The following MAN1C1 variants were observed in gnomAD, a reference collection of about 807,000 sequenced individuals.
MAN1C1 encodes the protein mannosidase alpha class 1C member 1.
A neutral mutation model predicts 71.5 loss-of-function variants in MAN1C1; 49 were observed. The ratio of observed to expected loss-of-function variants is 0.69; its 90% CI spans 0.54 to 0.87. The LOEUF (loss-of-function observed/expected upper bound fraction) is 0.87, where lower values mean the gene tolerates loss of function less well. Ranked by LOEUF, MAN1C1 falls within the 40% of genes least tolerant of loss-of-function variation. MAN1C1 has a pLI of 0.00. For missense variants in MAN1C1, 743 were observed against 835.0 expected, an observed-to-expected ratio of 0.89 and a Z score of 1.36; for synonymous variants, 352 against 343.7, an observed-to-expected ratio of 1.02 and a Z score of -0.27.
intron 2 of MAN1C1, among the ~76,000 whole-genome samples, chr1:25,701,492 G>A: frequency 6.6e-6 from 1 of 152,212 alleles, no homozygotes; most frequent in Non-Finnish European, 1.5e-5. Context: ...TGTGCAGCAG[G>A]TCACAGCCAG....
At chr1:25,683,744 T>C (rs954530498) in intron 1 of MAN1C1, among the ~76,000 whole-genome samples, 1 of 151,998 alleles carries the variant, frequency 6.6e-6, no homozygotes, top group Non-Finnish European at 1.5e-5. Flanking sequence ...GCTTAGGGTG[T>C]GTTAGGGAGA....
In MAN1C1 at chr1:25,730,093, C is replaced by T. The variant is rs565253528; in HGVS notation, c.638-16575C>T. On this transcript the variant is annotated intron_variant, in intron 2 of 11. Transcript: ENST00000374332. This position sits in a 1 kb window ranked among gnomAD's most constrained non-coding sequence, Gnocchi z 4.3. ...AGGCCTGATGCATCCTAGAATCTTC[C>T]TCACCACTGTCCCCACCAGCACCAA... 7.2e-5 allele frequency among the ~76,000 whole-genome samples: 11 copies of T among 152,300 alleles called. No homozygotes were observed. The highest frequency in any genetic ancestry group is 3.3e-4 in the Admixed American group (5 of 15,302).
At chr1:25,768,861 C>A in intron 7 of MAN1C1, among the ~76,000 whole-genome samples, 1 of 145,148 alleles carries the variant, frequency 6.9e-6, no homozygotes, top group East Asian at 2.2e-4. Flanking sequence ...TACACTCTCC[C>A]TACACACACT....
intron 2 of MAN1C1, among the ~76,000 whole-genome samples, chr1:25,693,631 G>A (rs764030614): frequency 5.9e-5 from 9 of 151,984 alleles, no homozygotes; most frequent in Non-Finnish European, 1.2e-4. Flanking sequence ...ACTCCATCTC[G>A]GAAAAAAAGA....
At chr1:25,718,225 A>G (rs2046710102) in intron 2 of MAN1C1, among the ~76,000 whole-genome samples, 1 of 152,066 alleles carries the variant, frequency 6.6e-6, no homozygotes, top group Non-Finnish European at 1.5e-5. Context: ...TCACATGTTT[A>G]TCACTTCTTA....
At chr1:25,625,282 G>A (rs115984400) in intron 1 of MAN1C1, among the ~76,000 whole-genome samples, 213 of 152,226 alleles carry the variant, frequency 1.4e-3, no homozygotes, top group African/African-American at 4.9e-3. Context: ...TGGGATTACA[G>A]GTGTGAGCCG....
intron 1 of MAN1C1, among the ~76,000 whole-genome samples, chr1:25,681,153 C>T (rs1007966136): frequency 6.6e-6 from 1 of 150,624 alleles, no homozygotes. Flanking sequence ...TTGAACCCGG[C>T]AGGTGGAGGT....
At chr1:25,673,869 C>T (rs1469131878) in intron 1 of MAN1C1, among the ~76,000 whole-genome samples, 1 of 152,160 alleles carries the variant, frequency 6.6e-6, no homozygotes, top group African/African-American at 2.4e-5. Flanking sequence ...CGGTAAGGCT[C>T]AAATGAAAAA....
chr1:25,665,678 A>T (rs1452025946), intron 1 of MAN1C1, among the ~76,000 whole-genome samples: 1 of 152,040 alleles, frequency 6.6e-6, no homozygotes, highest in African/African-American at 2.4e-5. Context: ...GGCATTAGAT[A>T]TTGCAGGTGG....
chr1:25,706,755 C>T (rs1352601971), intron 2 of MAN1C1, among the ~76,000 whole-genome samples: 1 of 152,248 alleles, frequency 6.6e-6, no homozygotes, highest in Non-Finnish European at 1.5e-5. Context: ...CACCTGCAAG[C>T]ACTTAAGACA....
At chr1:25,755,519 T>C (rs550520032) in intron 5 of MAN1C1, among the ~76,000 whole-genome samples, 1 of 152,326 alleles carries the variant, frequency 6.6e-6, no homozygotes, top group South Asian at 2.1e-4. Flanking sequence ...AATAGACATG[T>C]CTTCACAATT....
At chr1:25,708,378 G>A (rs1019967637) in intron 2 of MAN1C1, among the ~76,000 whole-genome samples, 1 of 152,230 alleles carries the variant, frequency 6.6e-6, no homozygotes, top group African/African-American at 2.4e-5. Context: ...AGTGCCTAAT[G>A]AGCAATGAGG....
At chr1:25,637,723 A>G (rs1040695743) in intron 1 of MAN1C1, among the ~76,000 whole-genome samples, 1 of 151,386 alleles carries the variant, frequency 6.6e-6, no homozygotes, top group African/African-American at 2.4e-5. Flanking sequence ...TATTTTTTAT[A>G]TTTATGTTAT....
At position 25,783,887 on chromosome 1, in the gene MAN1C1, C is replaced by T; in HGVS notation, c.*98C>T. 1 of 1,448,268 alleles carries T rather than the reference C, an allele frequency of 6.9e-7. No homozygotes were observed. Among genetic ancestry groups the T allele is most frequent in the Non-Finnish European group, 9.3e-7 (1 of 1,078,332 alleles). 89.7% of individuals were successfully genotyped at this position (1,448,268 alleles called of 1,614,324 possible). ...AAGGGATTGGGAACGAAGGCCCCAT[C>T]TCGGGCAGACCCCCAGCAGATGTGT... On this transcript the variant is annotated 3_prime_UTR_variant, in exon 12 of 12. Transcript: ENST00000374332.
chr1:25,660,060 C>T (rs2045823865), intron 1 of MAN1C1, among the ~76,000 whole-genome samples: 1 of 152,112 alleles, frequency 6.6e-6, no homozygotes, highest in African/African-American at 2.4e-5. Context: ...TGATAATTGC[C>T]TAGACTTAGG....
chr1:25,618,450 C>T (rs2045150881), intron 1 of MAN1C1, 113 bp downstream of exon 1: 3 of 1,056,782 alleles, frequency 2.8e-6, no homozygotes, highest in South Asian at 3.0e-5. Context: ...CCCAGGTCTA[C>T]TTCTGGCCCT....
intron 2 of MAN1C1, among the ~76,000 whole-genome samples, chr1:25,690,376 G>T (rs1483123699): frequency 7.0e-6 from 1 of 143,262 alleles, no homozygotes; most frequent in African/African-American, 2.6e-5. Context: ...CACTTCAGCC[G>T]CTGCCTCCCA....
At chr1:25,678,952 C>T (rs1355113911) in intron 1 of MAN1C1, among the ~76,000 whole-genome samples, 1 of 151,494 alleles carries the variant, frequency 6.6e-6, no homozygotes. Context: ...AGCTTGTGTG[C>T]CTTTGATACA....
chr1:25,781,705 C>A (rs2047697663), intron 10 of MAN1C1, among the ~76,000 whole-genome samples: 1 of 152,052 alleles, frequency 6.6e-6, no homozygotes, highest in East Asian at 1.9e-4. Flanking sequence ...TCCCCCACCA[C>A]CCCCGTGCCC....
Sources: gnomAD v4.1 joint callset for allele counts (sites outside exome capture counted in the v4.1 genomes callset) on GRCh38, gnomAD v4.1.1 for gene constraint, Gnocchi (gnomAD v3.1) non-coding constraint, MANE v1.5 for transcripts, NCBI Gene and HGNC (gene_info 2026-07-23, HGNC 2026-07-21) for gene names.